Variants in TOP6BL observed in about 807,000 individuals in gnomAD.
The protein encoded by TOP6BL is type 2 DNA topoisomerase 6 subunit B-like.
the TOP6BL span, chr11:66,758,968 T>A: frequency 8.8e-7 from 1 of 1,135,732 alleles, no homozygotes; most frequent in Non-Finnish European, 1.2e-6. Flanking sequence ...AGCAGTTTTT[T>A]AGACTCTCAT....
the TOP6BL span, chr11:66,843,122 G>T: frequency 1.3e-4 from 202 of 1,603,330 alleles, no homozygotes; most frequent in Non-Finnish European, 1.7e-4. Context: ...TGCAGGCCAC[G>T]GGCCGCTGCT....
chr11:66,763,527 C>G, the TOP6BL span, among the ~76,000 whole-genome samples: 1 of 152,020 alleles, frequency 6.6e-6, no homozygotes, highest in Non-Finnish European at 1.5e-5. Context: ...CCAGGCTGGT[C>G]CTGAACTCCT....
chr11:66,776,821 G>A, the TOP6BL span, among the ~76,000 whole-genome samples: 1 of 152,022 alleles, frequency 6.6e-6, no homozygotes. Context: ...AGGCCAAGAC[G>A]GGAGGACCAC....
At chr11:66,842,056 G>A in the TOP6BL span, among the ~76,000 whole-genome samples, 1 of 152,106 alleles carries the variant, frequency 6.6e-6, no homozygotes, top group South Asian at 2.1e-4. Flanking sequence ...AAATTAGCCG[G>A]TGTGGTGGCA....
the TOP6BL span, among the ~76,000 whole-genome samples, chr11:66,829,897 AAATAAATAAAT>A: frequency 6.6e-6 from 1 of 152,178 alleles, no homozygotes; most frequent in African/African-American, 2.4e-5. Context: ...AAAAATAAAT[AAATAAATAAAT>A]AATAAATAAA....
At chr11:66,800,901 C>A in the TOP6BL span, 1 of 1,070,582 alleles carries the variant, frequency 9.3e-7, no homozygotes. Flanking sequence ...TTGCCATTTT[C>A]CCCTTGGTTA....
chr11:66,838,943 G>C, the TOP6BL span, among the ~76,000 whole-genome samples: 3 of 152,168 alleles, frequency 2.0e-5, no homozygotes, highest in Non-Finnish European at 4.4e-5. Context: ...GTGTTAGCCA[G>C]GATGGTCTCG....
At chr11:66,838,293 C>T in the TOP6BL span, 1 of 1,341,306 alleles carries the variant, frequency 7.5e-7, no homozygotes. Context: ...GTGAAGCCAC[C>T]AGGCACACTC....
chr11:66,837,517 T>G, the TOP6BL span, among the ~76,000 whole-genome samples: 1 of 149,718 alleles, frequency 6.7e-6, no homozygotes, highest in South Asian at 2.1e-4. Flanking sequence ...TGATCTCAGC[T>G]CACTGCAACA....
the TOP6BL span, among the ~76,000 whole-genome samples, chr11:66,751,606 G>A: frequency 3.3e-5 from 5 of 151,386 alleles, no homozygotes; most frequent in African/African-American, 9.7e-5. Context: ...CAAACTGCTC[G>A]AATTATAAGC....
chr11:66,836,992 C>T, the TOP6BL span, among the ~76,000 whole-genome samples: 3 of 151,928 alleles, frequency 2.0e-5, no homozygotes, highest in African/African-American at 4.8e-5. Context: ...AGCTACCGTG[C>T]GTGGCCTATA....
the TOP6BL span, among the ~76,000 whole-genome samples, chr11:66,826,484 G>C: frequency 6.6e-6 from 1 of 152,002 alleles, no homozygotes; most frequent in Non-Finnish European, 1.5e-5. Flanking sequence ...TCTATAAATG[G>C]AGTTATGAGT....
the TOP6BL span, among the ~76,000 whole-genome samples, chr11:66,813,280 G>T: frequency 6.6e-6 from 1 of 152,150 alleles, no homozygotes. Context: ...AACCTGTGGT[G>T]CCTTTCAAAT....
At chr11:66,794,480 T>G in the TOP6BL span, among the ~76,000 whole-genome samples, 2 of 152,190 alleles carry the variant, frequency 1.3e-5, no homozygotes, top group Non-Finnish European at 1.5e-5. Context: ...TTTTTGAGAC[T>G]CTTTTGTAAA....
chr11:66,804,033 G>C, the TOP6BL span: 1 of 1,613,294 alleles, frequency 6.2e-7, no homozygotes, highest in Non-Finnish European at 8.5e-7. Context: ...CACTGCAGCA[G>C]AATTCACCCT....
the TOP6BL span, among the ~76,000 whole-genome samples, chr11:66,793,819 AT>A: frequency 6.6e-6 from 1 of 152,120 alleles, no homozygotes; most frequent in Non-Finnish European, 1.5e-5. Flanking sequence ...TATAAAAAAC[AT>A]TAAAAGGCCA....
At chr11:66,843,194 C>G in the TOP6BL span, 2 of 1,611,136 alleles carry the variant, frequency 1.2e-6, no homozygotes, top group Non-Finnish European at 1.7e-6. Context: ...CAGGAGGTCT[C>G]CAACCTGTCA....
chr11:66,746,235 G>A, the TOP6BL span, among the ~76,000 whole-genome samples: 1 of 152,182 alleles, frequency 6.6e-6, no homozygotes, highest in Non-Finnish European at 1.5e-5. Context: ...CTTTAAAAAG[G>A]GGGTAATAAT....
At chr11:66,775,525 C>T in the TOP6BL span, among the ~76,000 whole-genome samples, 20 of 152,174 alleles carry the variant, frequency 1.3e-4, no homozygotes, top group Non-Finnish European at 2.8e-4. Flanking sequence ...TGACATGTGT[C>T]GCCTTCCAGG....
Sources: gnomAD v4.1 joint callset for allele counts (sites outside exome capture counted in the v4.1 genomes callset) on GRCh38, gnomAD v4.1.1 for gene constraint, MANE v1.5 for transcripts, NCBI Gene and HGNC (gene_info 2026-07-23, HGNC 2026-07-21) for gene names.